Variants in NECAB2 observed in about 807,000 individuals in gnomAD.
NECAB2 encodes the protein N-terminal EF-hand calcium binding protein 2.
A neutral mutation model predicts 51.9 loss-of-function variants in NECAB2; 68 were observed. That is an observed-to-expected ratio of 1.31 (90% CI 1.08 to 1.60). The LOEUF (loss-of-function observed/expected upper bound fraction) is 1.60, where lower values mean the gene tolerates loss of function less well. Among genes scored for constraint, NECAB2 ranks in the 40% most tolerant of loss-of-function variants. The pLI is 0.00. For missense variants in NECAB2, 854 were observed against 490.3 expected, an observed-to-expected ratio of 1.74 and a Z score of -7.00; for synonymous variants, 329 against 203.5, an observed-to-expected ratio of 1.62 and a Z score of -5.25.
upstream of NECAB2, among the ~76,000 whole-genome samples, chr16:83,967,233 C>G (rs886993778): frequency 6.6e-6 from 1 of 152,052 alleles, no homozygotes; most frequent in African/African-American, 2.4e-5. Flanking sequence ...GCTCTGCCCA[C>G]TTGGATGTAA....
At chr16:83,973,682 GAGGT>G (rs2151085259) in intron 2 of NECAB2, among the ~76,000 whole-genome samples, 1 of 152,300 alleles carries the variant, frequency 6.6e-6, no homozygotes, top group African/African-American at 2.4e-5. Flanking sequence ...AGCAGGTTGA[GAGGT>G]AGGGATTTGG....
At chr16:83,997,754 A>C (rs1267266343) in intron 9 of NECAB2, among the ~76,000 whole-genome samples, 2 of 151,920 alleles carry the variant, frequency 1.3e-5, no homozygotes, top group African/African-American at 4.8e-5. Flanking sequence ...TGGCCTCCTA[A>C]AGTGCTGAGA....
At chr16:83,999,730 C>T (rs1157265057) in intron 10 of NECAB2, among the ~76,000 whole-genome samples, 3 of 152,090 alleles carry the variant, frequency 2.0e-5, no homozygotes, top group Admixed American at 6.5e-5. Flanking sequence ...GGGGACTTGC[C>T]TGCAGCCCCT....
chr16:84,001,951 C>T, intron 12 of NECAB2, 35 bp downstream of exon 12: 1 of 1,600,970 alleles, frequency 6.2e-7, no homozygotes, highest in Non-Finnish European at 8.5e-7. Flanking sequence ...CAGTGGCCAC[C>T]TGACTGGAGA....
chr16:83,975,241 G>A (rs1430039499), intron 2 of NECAB2, among the ~76,000 whole-genome samples: 1 of 143,524 alleles, frequency 7.0e-6, no homozygotes, highest in Non-Finnish European at 1.5e-5. Flanking sequence ...TGTTGGTGCG[G>A]GAATGTGAAC....
In NECAB2 at chr16:83,982,247, C is replaced by T. The variant is rs1435515196; in HGVS notation, c.459+1120C>T. 2.6e-5 allele frequency among the ~76,000 whole-genome samples: 4 copies of T among 152,178 alleles called. 1 individual carries two copies. The highest frequency in any genetic ancestry group is 4.8e-5 in the African/African-American group (2 of 41,438). ...ATGTATTAGACAGTCTCTGTTTTGC[C>T]ATATATCTAACAATAGTTGGGCCTC... On this transcript the variant is annotated intron_variant, in intron 5 of 12. Coordinates refer to ENST00000305202, the MANE Select transcript of NECAB2 (RefSeq NM_019065.3).
intron 3 of NECAB2, among the ~76,000 whole-genome samples, chr16:83,979,390 A>G (rs1465473393): frequency 6.6e-6 from 1 of 152,192 alleles, no homozygotes; most frequent in African/African-American, 2.4e-5. Flanking sequence ...CCAGTGTGCA[A>G]GGGGTAGAGT....
chr16:83,965,801 G>A (rs1465298926), upstream of NECAB2: 2 of 1,613,036 alleles, frequency 1.2e-6, no homozygotes. Flanking sequence ...TGGGGCAGGG[G>A]CTGACTTTGC....
chr16:83,974,937 TGCAGGGAG>T (rs1473749171), intron 2 of NECAB2, among the ~76,000 whole-genome samples: 4 of 132,910 alleles, frequency 3.0e-5, no homozygotes, highest in African/African-American at 1.3e-4. Flanking sequence ...GGAACAGGTG[TGCAGGGAG>T]GTGTGGGTGC....
intron 9 of NECAB2, among the ~76,000 whole-genome samples, chr16:83,997,770 G>A (rs544520806): frequency 6.6e-6 from 1 of 152,090 alleles, no homozygotes; most frequent in Admixed American, 6.5e-5. Context: ...TGAGATTACA[G>A]GCGTGAGCCA....
At chr16:83,994,266 CG>C (rs1567675359) in intron 6 of NECAB2, 35 bp from the exon 7 acceptor site, 1 of 1,600,968 alleles carries the variant, frequency 6.2e-7, no homozygotes. Flanking sequence ...CTGAAGCCAC[CG>C]CCATGGTCTG....
chr16:83,992,385 C>CCA (rs1555548110), intron 6 of NECAB2, among the ~76,000 whole-genome samples: 2 of 143,956 alleles, frequency 1.4e-5, no homozygotes, highest in African/African-American at 5.5e-5. Context: ...CGTCCCCCCG[C>CCA]CCACCTCCAT....
intron 2 of NECAB2, among the ~76,000 whole-genome samples, chr16:83,977,868 A>G (rs1235688467): frequency 2.0e-5 from 3 of 152,140 alleles, no homozygotes; most frequent in African/African-American, 7.2e-5. Flanking sequence ...GTCAGGGCTT[A>G]GGGGCTGGGA....
At chr16:83,992,384 G>GCCC (rs200728906) in intron 6 of NECAB2, among the ~76,000 whole-genome samples, 53 of 143,408 alleles carry the variant, frequency 3.7e-4, no homozygotes, top group African/African-American at 1.5e-3. Flanking sequence ...CCGTCCCCCC[G>GCCC]CCCACCTCCA....
chr16:83,994,256 C>G (rs369707472), intron 6 of NECAB2, 46 bp from the exon 7 acceptor site: 2 of 1,586,734 alleles, frequency 1.3e-6, no homozygotes, highest in Non-Finnish European at 1.7e-6. Flanking sequence ...GGTAAGGGCC[C>G]TGAAGCCACC....
At chr16:84,001,704 A>G (rs2084839521) in intron 11 of NECAB2, 121 bp from the exon 12 acceptor site, 1 of 1,046,770 alleles carries the variant, frequency 9.6e-7, no homozygotes, top group African/African-American at 1.7e-5. Flanking sequence ...CTCTGAGTCC[A>G]AAGACCCCCC....
intron 6 of NECAB2, among the ~76,000 whole-genome samples, chr16:83,993,796 C>G (rs1052299440): frequency 1.3e-5 from 2 of 152,146 alleles, no homozygotes; most frequent in African/African-American, 4.8e-5. Flanking sequence ...ATCACAGTTT[C>G]TGTCCTGTTA....
At chr16:84,000,674 T>G (rs2084811547) in intron 10 of NECAB2, 50 bp from the exon 11 acceptor site, 3 of 1,548,306 alleles carry the variant, frequency 1.9e-6, no homozygotes, top group Admixed American at 1.7e-5. Context: ...AGCACTGAGG[T>G]GGCCTTGGTT....
rs1820838569 is a variant in NECAB2, at chr16:83,980,467, G to T, written c.336-372G>T. Among the ~76,000 whole-genome samples, 3 of 152,260 alleles carry T rather than the reference G, an allele frequency of 2.0e-5. No homozygotes were observed. In the South Asian group the frequency reaches 6.2e-4, roughly 32 times the overall value. ...GGACCCAGCAGGCAGGGTCGACTGG[G>T]GGTGGGTCAGTGGGTCAGATGAGAG... is the stretch of plus-strand genomic sequence containing the variant. On this transcript the variant is annotated intron_variant, in intron 3 of 12. Coordinates refer to ENST00000305202, the MANE Select transcript of NECAB2 (RefSeq NM_019065.3).
Sources: gnomAD v4.1 joint callset for allele counts (sites outside exome capture counted in the v4.1 genomes callset) on GRCh38, gnomAD v4.1.1 for gene constraint, MANE v1.5 for transcripts, NCBI Gene and HGNC (gene_info 2026-07-23, HGNC 2026-07-21) for gene names.